SMAP1: variants seen among roughly 807,000 people sequenced by gnomAD.
SMAP1 encodes the protein stromal membrane-associated protein 1.
A neutral mutation model predicts 58.5 loss-of-function variants in SMAP1; 24 were observed. The ratio of observed to expected loss-of-function variants is 0.41; its 90% confidence interval spans 0.30 to 0.58. The LOEUF is 0.58. Among genes scored for constraint, SMAP1 ranks in the 20% least tolerant of loss-of-function variants. The probability of loss-of-function intolerance (pLI) is 0.29; values close to 1 mark genes in which losing one functional copy is unlikely to be tolerated. For synonymous variants in SMAP1, 216 were observed against 196.6 expected, an observed-to-expected ratio of 1.10 and a Z score of -0.82; for missense variants, 563 against 566.3, an observed-to-expected ratio of 0.99 and a Z score of 0.06.
chr6:70,679,217 C>A (rs998592102), intron 1 of SMAP1, among the ~76,000 whole-genome samples: 8 of 151,998 alleles, frequency 5.3e-5, no homozygotes, highest in African/African-American at 1.9e-4. Flanking sequence ...CGGAGTTTTG[C>A]TATGTTGGCC....
chr6:70,826,173 G>A (rs1386717969), intron 6 of SMAP1, among the ~76,000 whole-genome samples: 1 of 152,090 alleles, frequency 6.6e-6, no homozygotes, highest in Admixed American at 6.5e-5. Flanking sequence ...TTATTTTAAG[G>A]AAACTTACCA....
intron 1 of SMAP1, among the ~76,000 whole-genome samples, chr6:70,701,320 G>C (rs1354249120): frequency 6.6e-6 from 1 of 151,992 alleles, no homozygotes; most frequent in Non-Finnish European, 1.5e-5. Flanking sequence ...GAGCTCAAGT[G>C]ATCCACCCGG....
chr6:70,756,515 A>G (rs577035797), intron 3 of SMAP1, among the ~76,000 whole-genome samples: 88 of 152,248 alleles, frequency 5.8e-4, no homozygotes, highest in African/African-American at 2.1e-3. Context: ...TTTCAGGTAT[A>G]AAAAATTGTG....
intron 1 of SMAP1, among the ~76,000 whole-genome samples, chr6:70,712,772 CTTTT>C (rs2149839016): frequency 6.8e-6 from 1 of 146,334 alleles, no homozygotes; most frequent in African/African-American, 2.5e-5. Flanking sequence ...CTTTTCTTTT[CTTTT>C]CTTTTTTCTT....
intron 7 of SMAP1, among the ~76,000 whole-genome samples, chr6:70,847,001 G>A (rs1771013176): frequency 1.3e-5 from 2 of 152,128 alleles, no homozygotes; most frequent in Admixed American, 6.5e-5. Flanking sequence ...GGTTAAACTT[G>A]TATTAAAATA....
intron 2 of SMAP1, among the ~76,000 whole-genome samples, chr6:70,743,768 G>A (rs1461793113): frequency 6.6e-6 from 1 of 152,170 alleles, no homozygotes; most frequent in South Asian, 2.1e-4. Flanking sequence ...ATCATTAAAT[G>A]CATCTTCAAA....
At chr6:70,857,819 T>G in intron 9 of SMAP1, 103 bp from the exon 10 acceptor site, 1 of 1,279,158 alleles carries the variant, frequency 7.8e-7, no homozygotes. Flanking sequence ...AATTAAAATG[T>G]TTGCTGTGAG....
chr6:70,681,376 G>A (rs997791156), intron 1 of SMAP1, among the ~76,000 whole-genome samples: 3 of 152,176 alleles, frequency 2.0e-5, no homozygotes, highest in Admixed American at 6.5e-5. Flanking sequence ...GCAGTGAGCC[G>A]TGATTGTGCC....
At chr6:70,857,835 C>A in intron 9 of SMAP1, 87 bp from the exon 10 acceptor site, 1 of 1,479,512 alleles carries the variant, frequency 6.8e-7, no homozygotes, top group Non-Finnish European at 9.2e-7. Context: ...GTGAGTAGTT[C>A]AGAAAGGCAA....
rs140480357 is a variant in SMAP1, at chr6:70,672,249, T to A, written c.118+4108T>A. Among the ~76,000 whole-genome samples, 53 of 152,348 alleles carry A rather than the reference T, an allele frequency of 3.5e-4. No homozygotes were observed. In the East Asian group the frequency reaches 9.4e-3, roughly 27 times the overall value. ...AAGAAATAACTACCTCTATACTTAT[T>A]TTGGGCTGTTGTTCCCCTTGCACCT... On this transcript the variant is annotated intron_variant, in intron 1 of 10. Coordinates refer to ENST00000370455, the MANE Select transcript of SMAP1 (RefSeq NM_001044305.3).
intron 1 of SMAP1, among the ~76,000 whole-genome samples, chr6:70,731,807 T>G (rs1765442341): frequency 6.6e-6 from 1 of 152,158 alleles, no homozygotes; most frequent in Non-Finnish European, 1.5e-5. Flanking sequence ...TCCAGAATGT[T>G]GGGTGCAAAA....
intron 6 of SMAP1, among the ~76,000 whole-genome samples, chr6:70,830,604 GTC>G (rs1286486814): frequency 6.6e-6 from 1 of 152,114 alleles, no homozygotes; most frequent in Non-Finnish European, 1.5e-5. Context: ...CAACCTTTAT[GTC>G]TTGAAAATAT....
intron 1 of SMAP1, among the ~76,000 whole-genome samples, chr6:70,696,203 A>C (rs535189924): frequency 1.3e-5 from 2 of 152,032 alleles, no homozygotes; most frequent in Non-Finnish European, 2.9e-5. Flanking sequence ...TTCAAAAAAA[A>C]CAGCATTTTG....
At chr6:70,726,483 A>G (rs1582068733) in intron 1 of SMAP1, among the ~76,000 whole-genome samples, 2 of 152,228 alleles carry the variant, frequency 1.3e-5, no homozygotes, top group East Asian at 3.8e-4. Context: ...GGCATTGGAG[A>G]AGGCTTTATA....
intron 3 of SMAP1, among the ~76,000 whole-genome samples, chr6:70,766,532 C>T (rs1766994142): frequency 6.6e-6 from 1 of 152,158 alleles, no homozygotes; most frequent in African/African-American, 2.4e-5. Context: ...TTTTTGGCTG[C>T]ATAAATGTCT....
intron 3 of SMAP1, among the ~76,000 whole-genome samples, chr6:70,772,132 A>G (rs917020929): frequency 6.6e-6 from 1 of 152,188 alleles, no homozygotes; most frequent in Non-Finnish European, 1.5e-5. Flanking sequence ...TACCCATAGA[A>G]AACCCAAGTA....
chr6:70,724,717 A>G (rs937755142), intron 1 of SMAP1, among the ~76,000 whole-genome samples: 1 of 152,192 alleles, frequency 6.6e-6, no homozygotes, highest in Admixed American at 6.5e-5. Context: ...ATCTTTTAGC[A>G]TTGCCGAGGC....
Position 70,741,281 on chromosome 6 carries a change from A to G in SMAP1, c.252+8770A>G, listed in dbSNP as rs142497040. Reference sequence around the variant, plus strand: ...CCTATGAGCCTGTAAAATCAAAAGCAAGGTAGTTACTTCCTAGATACAGTG... The same window carrying G: ...CCTATGAGCCTGTAAAATCAAAAGCGAGGTAGTTACTTCCTAGATACAGTG... On this transcript the variant is annotated intron_variant, in intron 2 of 10. Transcript: ENST00000370455. Among the ~76,000 whole-genome samples the G allele has an allele frequency of 5.8e-3, 880 of 152,338 alleles. 3 individuals carry two copies. The highest frequency in any genetic ancestry group is 9.4e-3 in the Non-Finnish European group (640 of 68,030).
Position 70,858,025 on chromosome 6 carries a change from T to A in SMAP1, c.1065T>A (p.Leu355=). The stretch of plus-strand genomic sequence containing the variant: ...TGCCTGTGCCTGCAGCTCCTGGCCT[T>A]ATAGGAAATGTGATGGGACAGAGTC... The part of the protein sequence containing the change: ...MGVPVPAAPG[L]IGNVMGQSPS... The change falls in exon 10 of 11, where the codon CTT becomes CTA. Residue 355 remains leucine (L), a synonymous_variant. Transcript: ENST00000370455. 1.2e-6 allele frequency: 2 copies of A among 1,614,086 alleles called. No homozygotes were observed. Among genetic ancestry groups the A allele is most frequent in the Non-Finnish European group, 1.7e-6 (2 of 1,179,998 alleles).
Sources: allele counts gnomAD v4.1 joint callset (sites outside exome capture counted in the v4.1 genomes callset), GRCh38; gene constraint gnomAD v4.1.1; transcripts MANE v1.5; gene names NCBI Gene and HGNC (gene_info 2026-07-23, HGNC 2026-07-21).